Variants in CDH4 observed in about 807,000 individuals in gnomAD.
The protein encoded by CDH4 is cadherin 4.
Under a neutral mutation model 86.0 loss-of-function variants are expected in CDH4, and 33 were observed. That is an observed-to-expected ratio of 0.38 (90% confidence interval 0.29 to 0.51). The LOEUF (loss-of-function observed/expected upper bound fraction) is 0.51. Ranked by LOEUF, CDH4 falls within the 20% of genes least tolerant of loss-of-function variation. CDH4 has a pLI of 0.86. For missense variants in CDH4, 1,114 were observed against 1,307.4 expected (o/e 0.85, Z 2.28); for synonymous variants, 555 against 549.4 (o/e 1.01, Z -0.14).
At chr20:61,524,231 G>T (rs2085894007) in intron 2 of CDH4, among the ~76,000 whole-genome samples, 1 of 152,166 alleles carries the variant, frequency 6.6e-6, no homozygotes, top group Admixed American at 6.5e-5. Context: ...TACCTGGAAT[G>T]CTTCCCTACT....
chr20:61,726,917 T>G (rs2088120580), intron 2 of CDH4, among the ~76,000 whole-genome samples: 1 of 151,788 alleles, frequency 6.6e-6, no homozygotes, highest in Admixed American at 6.6e-5. Flanking sequence ...AGTGAGATCA[T>G]CATCAACATT....
intron 3 of CDH4, among the ~76,000 whole-genome samples, chr20:61,749,692 A>G (rs1426743607): frequency 2.0e-5 from 3 of 152,224 alleles, no homozygotes; most frequent in Non-Finnish European, 2.9e-5. Flanking sequence ...TGAGTAATAA[A>G]ACTACTGGGA....
At chr20:61,524,075 A>G (rs1450328753) in intron 2 of CDH4, among the ~76,000 whole-genome samples, 1 of 152,174 alleles carries the variant, frequency 6.6e-6, no homozygotes, top group Non-Finnish European at 1.5e-5. Flanking sequence ...GTCTCTAAAC[A>G]TTTACCTGGG....
chr20:61,707,859 C>G (rs781764257), intron 2 of CDH4, among the ~76,000 whole-genome samples: 1 of 152,180 alleles, frequency 6.6e-6, no homozygotes, highest in Non-Finnish European at 1.5e-5. Flanking sequence ...GGCGGAGGAC[C>G]TGCCAGGAGG....
intron 2 of CDH4, among the ~76,000 whole-genome samples, chr20:61,657,784 G>A (rs2087207944): frequency 6.6e-6 from 1 of 152,246 alleles, no homozygotes; most frequent in Admixed American, 6.5e-5. Context: ...AGCTACATGG[G>A]ATTTGTGATG....
intron 2 of CDH4, among the ~76,000 whole-genome samples, chr20:61,474,283 C>T (rs2085522649): frequency 6.6e-6 from 1 of 150,754 alleles, no homozygotes; most frequent in African/African-American, 2.4e-5. Context: ...GCCTCAGCCT[C>T]CCGAGTAGCT....
At chr20:61,594,873 G>T (rs1292646727) in intron 2 of CDH4, among the ~76,000 whole-genome samples, 1 of 152,192 alleles carries the variant, frequency 6.6e-6, no homozygotes, top group Non-Finnish European at 1.5e-5. Flanking sequence ...CTGATATTCA[G>T]GGCTTTACTT....
At chr20:61,416,785 C>T (rs1007477923) in intron 2 of CDH4, among the ~76,000 whole-genome samples, 1 of 152,192 alleles carries the variant, frequency 6.6e-6, no homozygotes, top group Non-Finnish European at 1.5e-5. Context: ...CCCGCAGCTC[C>T]AGAAAGGGAC....
chr20:61,467,832 T>C (rs1056169216), intron 2 of CDH4, among the ~76,000 whole-genome samples: 1 of 152,178 alleles, frequency 6.6e-6, no homozygotes, highest in Non-Finnish European at 1.5e-5. Context: ...CAAACCACCC[T>C]TGGATTCGAT....
intron 4 of CDH4, among the ~76,000 whole-genome samples, chr20:61,778,478 A>C (rs1388034356): frequency 6.6e-6 from 1 of 152,132 alleles, no homozygotes; most frequent in East Asian, 1.9e-4. Context: ...TAACGGCACC[A>C]CGCAGAGGGA....
intron 2 of CDH4, among the ~76,000 whole-genome samples, chr20:61,629,177 G>C (rs978900645): frequency 2.8e-4 from 42 of 152,218 alleles, no homozygotes; most frequent in African/African-American, 9.9e-4. Flanking sequence ...GCACGTGCTT[G>C]TCTTGTGAAG....
At chr20:61,502,279 T>C (rs1025492955) in intron 2 of CDH4, among the ~76,000 whole-genome samples, 1 of 152,232 alleles carries the variant, frequency 6.6e-6, no homozygotes, top group African/African-American at 2.4e-5. Flanking sequence ...AAGGTGCTTT[T>C]CCCATCTTAG....
rs1010318764 is a variant in CDH4, at chr20:61,544,704, C to G, written c.170-198859C>G. On this transcript the variant is annotated intron_variant, in intron 2 of 15. Coordinates refer to ENST00000614565, the MANE Select transcript of CDH4 (RefSeq NM_001794.5). This position sits in a 1 kb window ranked among gnomAD's most constrained non-coding sequence, Gnocchi z 6.5. ...ACACTCCTGCCTTCTGCCACAGTTGCAGTTTGGGATAATTTTGGTGGAGAA... is the reference window on the plus strand; with the variant it reads ...ACACTCCTGCCTTCTGCCACAGTTGGAGTTTGGGATAATTTTGGTGGAGAA... Among the ~76,000 whole-genome samples the G allele has an allele frequency of 2.0e-4, 30 of 152,064 alleles. No homozygotes were observed. Among genetic ancestry groups the G allele is most frequent in the African/African-American group, 7.0e-4 (29 of 41,418 alleles).
intron 2 of CDH4, among the ~76,000 whole-genome samples, chr20:61,645,286 C>T (rs1453321570): frequency 1.3e-5 from 2 of 152,096 alleles, no homozygotes; most frequent in Non-Finnish European, 2.9e-5. Context: ...TGCTATGTTA[C>T]CTAGGGCCTG....
At chr20:61,882,607 G>A (rs1365215268) in intron 7 of CDH4, among the ~76,000 whole-genome samples, 1 of 152,156 alleles carries the variant, frequency 6.6e-6, no homozygotes, top group East Asian at 1.9e-4. Context: ...CTCCCTCCCG[G>A]GGTTCCGACG....
chr20:61,711,689 G>A lies in CDH4; in HGVS notation c.170-31874G>A, dbSNP rs184867696. ...GTAAGGTGGCATAGTCACAGGTCTG[G>A]GATTAGGATTTGGACATCTGGGGAG... On this transcript the variant is annotated intron_variant, in intron 2 of 15. Transcript: ENST00000614565. 2.3e-3 allele frequency among the ~76,000 whole-genome samples: 344 copies of A among 152,326 alleles called. 3 individuals are homozygous for A. Among genetic ancestry groups the A allele is most frequent in the Middle Eastern group, 3.4e-3 (1 of 294 alleles).
At chr20:61,343,076 T>C (rs1207861561) in intron 2 of CDH4, among the ~76,000 whole-genome samples, 2 of 152,234 alleles carry the variant, frequency 1.3e-5, no homozygotes, top group Non-Finnish European at 2.9e-5. Flanking sequence ...GACACACTGA[T>C]GAGTTCTTAG....
At chr20:61,618,134 G>A (rs549423790) in intron 2 of CDH4, among the ~76,000 whole-genome samples, 10 of 152,200 alleles carry the variant, frequency 6.6e-5, no homozygotes, top group South Asian at 2.1e-4. Flanking sequence ...ATCAGCAGCC[G>A]TGAGAACAGA....
rs1161427765 is a variant in CDH4, at chr20:61,582,194, C to T, written c.170-161369C>T. 6.6e-6 allele frequency among the ~76,000 whole-genome samples: 1 copy of T among 152,230 alleles called. No homozygotes were observed. Among genetic ancestry groups the T allele is most frequent in the African/African-American group, 2.4e-5 (1 of 41,464 alleles). ...CCTGCCCCTCCCTGGTCATCCCAGGCCTGACCTCTGCAGCTTCTTCCTAAT... is the reference window on the plus strand; with the variant it reads ...CCTGCCCCTCCCTGGTCATCCCAGGTCTGACCTCTGCAGCTTCTTCCTAAT... On this transcript the variant is annotated intron_variant, in intron 2 of 15. Coordinates refer to ENST00000614565, the MANE Select transcript of CDH4 (RefSeq NM_001794.5). This position sits in a 1 kb window ranked among gnomAD's most constrained non-coding sequence, Gnocchi z 4.2.
Sources: gnomAD v4.1 joint callset for allele counts (sites outside exome capture counted in the v4.1 genomes callset) on GRCh38, gnomAD v4.1.1 for gene constraint, Gnocchi (gnomAD v3.1) non-coding constraint, MANE v1.5 for transcripts, NCBI Gene and HGNC (gene_info 2026-07-23, HGNC 2026-07-21) for gene names.